The following RBFOX1 variants were observed in gnomAD, a reference collection of about 807,000 sequenced individuals.
The protein encoded by RBFOX1 is RNA binding fox-1 homolog 1.
In RBFOX1, 8 loss-of-function variants were observed where a neutral mutation model predicts 57.7. That is an observed-to-expected ratio of 0.14 (90% CI 0.08 to 0.25). The LOEUF (loss-of-function observed/expected upper bound fraction) is 0.25. Ranked by LOEUF, RBFOX1 falls within the 10% of genes least tolerant of loss-of-function variation. The pLI, the probability that RBFOX1 is intolerant of heterozygous loss-of-function variation, is 1.00. For synonymous variants in RBFOX1, 326 were observed against 222.4 expected, an observed-to-expected ratio of 1.47 and a Z score of -4.15; for missense variants, 611 against 548.5, an observed-to-expected ratio of 1.11 and a Z score of -1.14.
chr16:7,543,864 G>T (rs1035629824), intron 5 of RBFOX1, among the ~76,000 whole-genome samples: 3 of 149,706 alleles, frequency 2.0e-5, no homozygotes, highest in African/African-American at 7.4e-5. Context: ...GGGATTATAG[G>T]CACGCACCAC....
At chr16:7,637,063 C>G (rs945095336) in intron 11 of RBFOX1, among the ~76,000 whole-genome samples, 4 of 152,044 alleles carry the variant, frequency 2.6e-5, no homozygotes, top group African/African-American at 9.7e-5. Context: ...ACAGGGATGT[C>G]AGTTTTATTT....
At chr16:6,921,147 A>T (rs1248814738) in intron 3 of RBFOX1, among the ~76,000 whole-genome samples, 1 of 152,176 alleles carries the variant, frequency 6.6e-6, no homozygotes. Context: ...CCATCTCTTC[A>T]TTTAGGAAAT....
intron 1 of RBFOX1, among the ~76,000 whole-genome samples, chr16:6,058,257 T>C (rs2095638787): frequency 6.6e-6 from 1 of 151,946 alleles, no homozygotes; most frequent in African/African-American, 2.4e-5. Context: ...CTGCCCCTAT[T>C]CTCTTTCTAG....
At chr16:6,798,384 CAGA>C (rs1258856099) in intron 3 of RBFOX1, among the ~76,000 whole-genome samples, 10 of 152,222 alleles carry the variant, frequency 6.6e-5, no homozygotes, top group Admixed American at 3.3e-4. Flanking sequence ...CATTCTGAGA[CAGA>C]AGAAGTAGAG....
At chr16:5,970,277 CT>C (rs202000774) in intron 4 of RBFOX1, among the ~76,000 whole-genome samples, 56 of 151,154 alleles carry the variant, frequency 3.7e-4, no homozygotes, top group East Asian at 1.7e-3. Flanking sequence ...TCTGGTTACT[CT>C]TTTTTTTTAT....
In RBFOX1 at chr16:6,362,468, A is replaced by G. The variant is rs1010520231; in HGVS notation, c.-64+45411A>G. Among the ~76,000 whole-genome samples the G allele has an allele frequency of 2.0e-4, 31 of 152,194 alleles. 1 individual carries two copies. The highest frequency in any genetic ancestry group is 1.6e-3 in the Admixed American group (25 of 15,274). On this transcript the variant is annotated intron_variant, in intron 2 of 15. Transcript: ENST00000550418. Reference sequence around the variant, plus strand: ...TTAGGCAAGGTGCTAAATTTGTCCAATATGAGGCCACCTGCTCGTATGTCA... The same window carrying G: ...TTAGGCAAGGTGCTAAATTTGTCCAGTATGAGGCCACCTGCTCGTATGTCA...
chr16:5,759,973 A>G (rs2053537072), intron 3 of RBFOX1, among the ~76,000 whole-genome samples: 2 of 151,206 alleles, frequency 1.3e-5, no homozygotes, highest in South Asian at 4.2e-4. Flanking sequence ...GGTTTCTATA[A>G]TCTTGTAGAT....
At chr16:6,647,121 A>G (rs2098540457) in intron 2 of RBFOX1, among the ~76,000 whole-genome samples, 1 of 152,168 alleles carries the variant, frequency 6.6e-6, no homozygotes, top group South Asian at 2.1e-4. Flanking sequence ...CCTGGCTTGT[A>G]GTCAGTCATT....
intron 3 of RBFOX1, among the ~76,000 whole-genome samples, chr16:5,652,098 C>T (rs1596594869): frequency 6.6e-6 from 1 of 152,170 alleles, no homozygotes; most frequent in South Asian, 2.1e-4. Context: ...AACACCACTG[C>T]ATTCCAGCCT....
At chr16:5,842,071 C>T (rs2056638829) in intron 3 of RBFOX1, among the ~76,000 whole-genome samples, 1 of 152,050 alleles carries the variant, frequency 6.6e-6, no homozygotes, top group South Asian at 2.1e-4. Flanking sequence ...GAATCTCTGC[C>T]CTGAATCATG....
At chr16:5,454,902 C>T (rs189141601) in intron 1 of RBFOX1, among the ~76,000 whole-genome samples, 24 of 66,708 alleles carry the variant, frequency 3.6e-4, no homozygotes, top group Admixed American at 8.1e-4. Context: ...TTCTTTCTTT[C>T]TTTCTTTCTT....
chr16:7,393,727 C>G (rs550858393), intron 4 of RBFOX1, among the ~76,000 whole-genome samples: 3 of 152,282 alleles, frequency 2.0e-5, no homozygotes, highest in African/African-American at 7.2e-5. Context: ...ATCCATCTGT[C>G]TTTGGCCACA....
At chr16:7,010,428 A>G (rs1372700611) in intron 3 of RBFOX1, among the ~76,000 whole-genome samples, 1 of 151,946 alleles carries the variant, frequency 6.6e-6, no homozygotes, top group Non-Finnish European at 1.5e-5. Flanking sequence ...GGCCAGTGAG[A>G]CCTCTTAGAG....
At chr16:6,195,518 G>A (rs1014763043) in intron 1 of RBFOX1, among the ~76,000 whole-genome samples, 2 of 152,126 alleles carry the variant, frequency 1.3e-5, no homozygotes, top group Non-Finnish European at 2.9e-5. Context: ...GGGATTTCGA[G>A]ACCAGCCTGA....
At chr16:5,513,346 C>A (rs964052406) in intron 2 of RBFOX1, among the ~76,000 whole-genome samples, 2 of 152,156 alleles carry the variant, frequency 1.3e-5, no homozygotes, top group African/African-American at 4.8e-5. Context: ...GGGAGGAAGA[C>A]TGTGGAGATA....
intron 3 of RBFOX1, among the ~76,000 whole-genome samples, chr16:5,725,445 T>A (rs2052108986): frequency 6.6e-6 from 1 of 151,966 alleles, no homozygotes; most frequent in Non-Finnish European, 1.5e-5. Context: ...TTATTTTTTG[T>A]AGAGATGAGG....
At chr16:5,402,404 C>T (rs1009543729) in intron 1 of RBFOX1, among the ~76,000 whole-genome samples, 3 of 152,126 alleles carry the variant, frequency 2.0e-5, no homozygotes, top group African/African-American at 7.2e-5. Context: ...GGAGACAAGA[C>T]GTGAGAGGCC....
At chr16:7,102,125 C>T (rs943502243) in intron 4 of RBFOX1, among the ~76,000 whole-genome samples, 3 of 152,192 alleles carry the variant, frequency 2.0e-5, no homozygotes, top group Admixed American at 1.3e-4. Context: ...CCTGCCTGTG[C>T]CTACTTCTCT....
At chr16:6,193,426 A>ATATATATATATATATATAT (rs1567651821) in intron 1 of RBFOX1, among the ~76,000 whole-genome samples, 1 of 97,300 alleles carries the variant, frequency 1.0e-5, no homozygotes, top group Non-Finnish European at 2.3e-5. Flanking sequence ...ATATATATAT[A>ATATATATATATATATATAT]AAATTCAGTG....
Sources: allele counts gnomAD v4.1 joint callset (sites outside exome capture counted in the v4.1 genomes callset), GRCh38; gene constraint gnomAD v4.1.1; transcripts MANE v1.5; gene names NCBI Gene and HGNC (gene_info 2026-07-23, HGNC 2026-07-21).